Variants in SLC30A9 observed in about 807,000 individuals in gnomAD.
The protein encoded by SLC30A9 is proton-coupled zinc antiporter SLC30A9, mitochondrial.
In SLC30A9, 58 loss-of-function variants were observed where a neutral mutation model predicts 87.5. The observed-to-expected ratio is 0.66, with a 90% CI of 0.54 to 0.82. SLC30A9 has a LOEUF of 0.82. Ranked by LOEUF, SLC30A9 falls within the 40% of genes least tolerant of loss-of-function variation. The pLI, the probability that SLC30A9 is intolerant of heterozygous loss-of-function variation, is 0.00. For missense variants in SLC30A9, 557 were observed against 679.1 expected, an observed-to-expected ratio of 0.82 and a Z score of 2.00; for synonymous variants, 234 against 233.0, an observed-to-expected ratio of 1.00 and a Z score of -0.04.
chr4:42,010,218 T>C (rs1399592276), intron 2 of SLC30A9, among the ~76,000 whole-genome samples: 1 of 152,142 alleles, frequency 6.6e-6, no homozygotes, highest in Non-Finnish European at 1.5e-5. Flanking sequence ...CTCACACCTG[T>C]AATCTAGCAC....
At chr4:42,059,195 A>G (rs1019514223) in intron 9 of SLC30A9, among the ~76,000 whole-genome samples, 2 of 152,170 alleles carry the variant, frequency 1.3e-5, no homozygotes, top group Non-Finnish European at 2.9e-5. Context: ...CACTTATCTG[A>G]TTATTTGATA....
At chr4:41,990,786 C>A (rs367843168) in intron 1 of SLC30A9, 26 bp downstream of exon 1, 11 of 1,555,472 alleles carry the variant, frequency 7.1e-6, no homozygotes, top group Non-Finnish European at 9.7e-6. Flanking sequence ...TGGCCGCTGG[C>A]TCCGTAGAAG....
chr4:42,063,212 G>A, intron 11 of SLC30A9, 91 bp downstream of exon 11: 1 of 1,156,930 alleles, frequency 8.6e-7, no homozygotes, highest in Non-Finnish European at 1.2e-6. Flanking sequence ...TGTTAAAGGA[G>A]AATGACATAC....
At chr4:42,072,386 G>A (rs1281287505) in intron 15 of SLC30A9, among the ~76,000 whole-genome samples, 1 of 151,778 alleles carries the variant, frequency 6.6e-6, no homozygotes, top group Non-Finnish European at 1.5e-5. Flanking sequence ...TTTTAAAATA[G>A]ACAATTACAG....
chr4:42,054,274 C>G (rs1649635515), intron 9 of SLC30A9, among the ~76,000 whole-genome samples: 1 of 152,120 alleles, frequency 6.6e-6, no homozygotes, highest in African/African-American at 2.4e-5. Context: ...AGGAGAATCA[C>G]TTGAACCCGG....
rs143619326 is a variant in SLC30A9 at position 42,001,083 on chromosome 4, T to C, written c.110-533T>C. 1.6e-4 allele frequency among the ~76,000 whole-genome samples: 25 copies of C among 152,232 alleles called. No individual in the cohort carries two copies. In the East Asian group the frequency reaches 4.2e-3, roughly 26 times the overall value. ...CTGAAGTGCTTTGTAATTAGTCTTC[T>C]ATTCTTCACTCAATTAAAATTCCCC... On this transcript the variant is annotated intron_variant, in intron 1 of 17. Coordinates refer to ENST00000264451, the MANE Select transcript of SLC30A9 (RefSeq NM_006345.4).
chr4:42,023,004 T>G, intron 5 of SLC30A9, 74 bp downstream of exon 5: 1 of 842,578 alleles, frequency 1.2e-6, no homozygotes, highest in Non-Finnish European at 1.9e-6. Context: ...TTAGACAGAG[T>G]CAGAATTTTT....
At chr4:42,056,487 T>C (rs1391131680) in intron 9 of SLC30A9, among the ~76,000 whole-genome samples, 2 of 152,152 alleles carry the variant, frequency 1.3e-5, no homozygotes, top group East Asian at 1.9e-4. Context: ...GTGAGACTTA[T>C]TCACTATCAC....
chr4:42,009,837 G>A (rs1284939980), intron 2 of SLC30A9, among the ~76,000 whole-genome samples: 1 of 152,146 alleles, frequency 6.6e-6, no homozygotes, highest in Non-Finnish European at 1.5e-5. Context: ...TGAAACTTTT[G>A]ACAGTAGATA....
chr4:42,060,696 A>G (rs1200555663), intron 10 of SLC30A9, among the ~76,000 whole-genome samples: 3 of 152,154 alleles, frequency 2.0e-5, no homozygotes, highest in Admixed American at 1.3e-4. Flanking sequence ...TATTTGTAAA[A>G]TGAGTATACT....
At position 42,089,934 on chromosome 4, in the gene SLC30A9, G is replaced by T. The variant is rs1389517977; in HGVS notation, c.*3808G>T. 6.6e-6 allele frequency: 1 copy of T among 152,160 alleles called. No homozygotes were observed. The highest frequency in any genetic ancestry group is 1.5e-5 in the Non-Finnish European group (1 of 68,016). The allele number at this position is 152,160 out of a possible 1,614,324, so 9.4% of individuals were successfully genotyped here. ...CATAAGGCTTGAGTTTTTGGTATATGGCTTTCAGTGTTACCTTATCTCATA... is the reference window on the plus strand; with the variant it reads ...CATAAGGCTTGAGTTTTTGGTATATTGCTTTCAGTGTTACCTTATCTCATA... On this transcript the variant is annotated 3_prime_UTR_variant, in exon 18 of 18. Coordinates refer to ENST00000264451, the MANE Select transcript of SLC30A9 (RefSeq NM_006345.4).
chr4:42,036,909 T>A (rs1199291860), intron 7 of SLC30A9, among the ~76,000 whole-genome samples: 1 of 152,214 alleles, frequency 6.6e-6, no homozygotes, highest in Non-Finnish European at 1.5e-5. Context: ...TGGTGAGACC[T>A]GCCTCCTGGG....
chr4:42,067,894 G>GCTCAAGTAGATGATAATCAGA (rs1474742294), intron 14 of SLC30A9, among the ~76,000 whole-genome samples: 2 of 152,184 alleles, frequency 1.3e-5, no homozygotes, highest in African/African-American at 4.8e-5. Flanking sequence ...GCTAGGATAG[G>GCTCAAGTAGATGATAATCAGA]CTCAAGTAGA....
At chr4:42,013,956 A>G (rs1282815631) in intron 2 of SLC30A9, among the ~76,000 whole-genome samples, 1 of 152,210 alleles carries the variant, frequency 6.6e-6, no homozygotes, top group African/African-American at 2.4e-5. Context: ...TGAAGAGACA[A>G]CCCATAAAAT....
At chr4:42,012,351 A>T (rs1715481771) in intron 2 of SLC30A9, among the ~76,000 whole-genome samples, 1 of 152,194 alleles carries the variant, frequency 6.6e-6, no homozygotes, top group African/African-American at 2.4e-5. Context: ...TAAGAGGAAA[A>T]ATAAATGCTA....
intron 7 of SLC30A9, among the ~76,000 whole-genome samples, chr4:42,037,763 C>T (rs1716750997): frequency 6.6e-6 from 1 of 152,022 alleles, no homozygotes; most frequent in South Asian, 2.1e-4. Context: ...TCTCCAATTG[C>T]TCTGATTATG....
intron 16 of SLC30A9, among the ~76,000 whole-genome samples, chr4:42,077,509 A>G (rs1051124773): frequency 3.3e-5 from 5 of 152,004 alleles, no homozygotes; most frequent in South Asian, 2.1e-4. Context: ...GGTTCAAGCA[A>G]TTATCTACCT....
intron 17 of SLC30A9, chr4:42,078,877 A>G (rs142205375): frequency 6.6e-6 from 1 of 152,324 alleles, no homozygotes; most frequent in East Asian, 1.9e-4. Flanking sequence ...TCTGTTTGCA[A>G]TGAATAAAAA....
intron 4 of SLC30A9, among the ~76,000 whole-genome samples, chr4:42,022,380 A>G (rs1390794497): frequency 6.6e-6 from 1 of 150,420 alleles, no homozygotes; most frequent in Non-Finnish European, 1.5e-5. Flanking sequence ...GGCAGGCACC[A>G]CCAAACCCAG....
Sources: allele counts gnomAD v4.1 joint callset (sites outside exome capture counted in the v4.1 genomes callset), GRCh38; gene constraint gnomAD v4.1.1; transcripts MANE v1.5; gene names NCBI Gene and HGNC (gene_info 2026-07-23, HGNC 2026-07-21).